The following EHD1 variants were observed in gnomAD, a reference collection of about 807,000 sequenced individuals.
EHD1 encodes the protein EH domain containing 1.
A neutral mutation model predicts 39.0 loss-of-function variants in EHD1; 19 were observed. The observed-to-expected ratio is 0.49, with a 90% CI of 0.34 to 0.72. The LOEUF is 0.72. Among genes scored for constraint, EHD1 ranks in the 30% least tolerant of loss-of-function variants. The pLI is 0.01. For synonymous variants in EHD1, 323 were observed against 331.2 expected, an observed-to-expected ratio of 0.98 and a Z score of 0.27; for missense variants, 542 against 751.5, an observed-to-expected ratio of 0.72 and a Z score of 3.26.
chr11:64,873,231 CAAG>C (rs1943848999), intron 2 of EHD1, among the ~76,000 whole-genome samples: 1 of 152,252 alleles, frequency 6.6e-6, no homozygotes, highest in South Asian at 2.1e-4. Context: ...TACTGCATAG[CAAG>C]AAGGCCTCAG....
At chr11:64,859,075 G>C (rs747643648) in intron 3 of EHD1, among the ~76,000 whole-genome samples, 4 of 152,230 alleles carry the variant, frequency 2.6e-5, no homozygotes, top group Non-Finnish European at 5.9e-5. Context: ...AGCCCCTAGC[G>C]CCAGCTCCCG....
chr11:64,866,223 G>A (rs142727618), intron 2 of EHD1, among the ~76,000 whole-genome samples: 158 of 152,234 alleles, frequency 1.0e-3, no homozygotes, highest in African/African-American at 3.8e-3. Flanking sequence ...GATGGAGCTG[G>A]AGACCATTAT....
chr11:64,867,192 G>A (rs1483991108), intron 2 of EHD1, among the ~76,000 whole-genome samples: 1 of 152,190 alleles, frequency 6.6e-6, no homozygotes, highest in East Asian at 1.9e-4. Context: ...GCCAAGGCGG[G>A]CTGATCACCT....
chr11:64,872,910 G>A (rs1270866741), intron 2 of EHD1, among the ~76,000 whole-genome samples: 1 of 152,214 alleles, frequency 6.6e-6, no homozygotes, highest in Admixed American at 6.5e-5. Flanking sequence ...AGTCCAGAGG[G>A]TAAGGGACAC....
Position 64,874,499 on chromosome 11 carries a change from G to A in EHD1, c.424C>T (p.Pro142Ser). ...FLNRFMCAQL[P>S]NPVLDSISII... ...CTGATGCTGTCCAGGACGGGGTTGG[G>A]CAGCTGGGCACACATGAACCTACAT... The change falls in exon 2 of 5, where the codon CCC becomes TCC. Residue 142 changes from proline (P) to serine (S), a missense_variant. Coordinates refer to ENST00000320631, the MANE Select transcript of EHD1 (RefSeq NM_006795.4). 1 of 1,609,342 alleles carries A rather than the reference G, an allele frequency of 6.2e-7. No individual in the cohort carries two copies. The highest frequency in any genetic ancestry group is 8.5e-7 in the Non-Finnish European group (1 of 1,178,146).
upstream of EHD1, chr11:64,879,573 A>G (rs991827482): frequency 6.4e-7 from 1 of 1,550,514 alleles, no homozygotes; most frequent in African/African-American, 1.4e-5. Flanking sequence ...ACCACCATTT[A>G]CCATCATTTA....
At chr11:64,879,291 G>A (rs1943928006), upstream of EHD1, 2 of 911,980 alleles carry the variant, frequency 2.2e-6, no homozygotes, top group African/African-American at 1.7e-5. Context: ...CCGACGGGGT[G>A]GGAATGGGAG....
In EHD1 at chr11:64,860,236, C is replaced by T. The variant is rs747711359; in HGVS notation, c.603G>A (p.Ser201=). The change falls in exon 3 of 5, where the codon TCG becomes TCA. Residue 201 remains serine (S), a synonymous_variant. Coordinates refer to ENST00000320631, the MANE Select transcript of EHD1 (RefSeq NM_006795.4). ...AHKLDISDEF[S]EVIKALKNHE... ...GGTTCTTCAGAGCCTTGATCACTTC[C>T]GAGAACTCATCGGAGATGTCCAGCT... is the stretch of plus-strand genomic sequence containing the variant. 2.5e-5 allele frequency: 40 copies of T among 1,613,994 alleles called. No individual in the cohort carries two copies. The highest frequency in any genetic ancestry group is 2.3e-4 in the South Asian group (21 of 91,084).
At chr11:64,874,226 C>T (rs1943860977) in intron 2 of EHD1, among the ~76,000 whole-genome samples, 195 bp downstream of exon 2, 2 of 151,028 alleles carry the variant, frequency 1.3e-5, no homozygotes, top group African/African-American at 2.4e-5. Flanking sequence ...ATCGCTTGAA[C>T]CCAGGAGGCA....
At chr11:64,876,046 AAG>A (rs2136503358) in intron 1 of EHD1, among the ~76,000 whole-genome samples, 1 of 152,296 alleles carries the variant, frequency 6.6e-6, no homozygotes, top group Admixed American at 6.5e-5. Context: ...AAGAAAGGGG[AAG>A]CAGCAAAGAT....
upstream of EHD1, chr11:64,878,876 T>C (rs1943922876): frequency 9.4e-7 from 1 of 1,063,998 alleles, no homozygotes; most frequent in Middle Eastern, 4.3e-4. Flanking sequence ...GCGAAAGTGC[T>C]GCGGTTAGGA....
At position 64,878,515 on chromosome 11, in the gene EHD1, G is replaced by A. The variant is rs746726211; in HGVS notation, c.-51C>T. ...GCGGGGCAGAGCGGCGGCTGAGAGC[G>A]GGGCGAGGGTGCGGAGCCGAGGCGG... is the stretch of plus-strand genomic sequence containing the variant. On this transcript the variant is annotated 5_prime_UTR_variant, in exon 1 of 5. Transcript: ENST00000320631. 1.1e-5 allele frequency: 17 copies of A among 1,537,950 alleles called. No homozygotes were observed. Among genetic ancestry groups the A allele is most frequent in the East Asian group, 2.3e-5 (1 of 43,368 alleles).
At chr11:64,866,275 T>C (rs1215079750) in intron 2 of EHD1, among the ~76,000 whole-genome samples, 1 of 152,214 alleles carries the variant, frequency 6.6e-6, no homozygotes, top group Non-Finnish European at 1.5e-5. Context: ...AAATACCGCA[T>C]GTTCCACACC....
chr11:64,872,673 A>C (rs1026710817), intron 2 of EHD1, among the ~76,000 whole-genome samples: 1 of 151,958 alleles, frequency 6.6e-6, no homozygotes, highest in Non-Finnish European at 1.5e-5. Context: ...GGGTGGGAGA[A>C]TCTAACAGCT....
chr11:64,859,756 G>A lies in EHD1; in HGVS notation c.915+168C>T, dbSNP rs1592746331. ...AATCTTAGTTAAGAGCAGGCTGCACGCGGGTGCTGACCAAAGACTGGTTTC... is the reference window on the plus strand; with the variant it reads ...AATCTTAGTTAAGAGCAGGCTGCACACGGGTGCTGACCAAAGACTGGTTTC... On this transcript the variant is annotated intron_variant, in intron 3 of 4. Transcript: ENST00000320631. The A allele has an allele frequency of 1.4e-5, 13 of 954,638 alleles. No homozygotes were observed. In the East Asian group the frequency reaches 1.9e-4, roughly 14 times the overall value. 59.1% of individuals were successfully genotyped at this position (954,638 alleles called of 1,614,324 possible).
At chr11:64,860,363 G>A in intron 2 of EHD1, 27 bp from the exon 3 acceptor site, 1 of 1,590,842 alleles carries the variant, frequency 6.3e-7, no homozygotes, top group Middle Eastern at 1.7e-4. Flanking sequence ...GGAGAGCTCA[G>A]GGGCGCCAAG....
chr11:64,872,684 T>C (rs1275358325), intron 2 of EHD1, among the ~76,000 whole-genome samples: 1 of 152,042 alleles, frequency 6.6e-6, no homozygotes, highest in East Asian at 1.9e-4. Flanking sequence ...TCTAACAGCT[T>C]AACTGGCAGC....
At chr11:64,879,524 GT>G, upstream of EHD1, 2 of 1,526,650 alleles carry the variant, frequency 1.3e-6, no homozygotes, top group South Asian at 2.4e-5. Context: ...TTAGGGGGAA[GT>G]TTAAAAACCC....
At chr11:64,877,718 C>G (rs1017626324) in intron 1 of EHD1, 2 of 267,562 alleles carry the variant, frequency 7.5e-6, no homozygotes, top group Non-Finnish European at 1.4e-5. Flanking sequence ...GCCTGCGGGA[C>G]GGAGGTGGAG....
Sources: gnomAD v4.1 joint callset for allele counts (sites outside exome capture counted in the v4.1 genomes callset) on GRCh38, gnomAD v4.1.1 for gene constraint, MANE v1.5 for transcripts, NCBI Gene and HGNC (gene_info 2026-07-23, HGNC 2026-07-21) for gene names.